NFIB: variants seen among roughly 807,000 people sequenced by gnomAD.
The protein encoded by NFIB is nuclear factor 1 B-type.
Under a neutral mutation model 61.5 loss-of-function variants are expected in NFIB, and 11 were observed. The observed-to-expected ratio is 0.18, with a 90% CI of 0.11 to 0.30. NFIB has a LOEUF of 0.30. Ranked by LOEUF, NFIB falls within the 10% of genes least tolerant of loss-of-function variation. NFIB has a pLI of 1.00. For missense variants in NFIB, 471 were observed against 608.9 expected, an observed-to-expected ratio of 0.77 and a Z score of 2.38; for synonymous variants, 260 against 216.5, an observed-to-expected ratio of 1.20 and a Z score of -1.76.
At chr9:14,480,653 T>A in the NFIB span, among the ~76,000 whole-genome samples, 1 of 152,122 alleles carries the variant, frequency 6.6e-6, no homozygotes, top group East Asian at 1.9e-4. Flanking sequence ...AATGTAGCCG[T>A]TGAAACAAGT....
At chr9:14,155,741 T>G in intron 4 of NFIB, 84 bp downstream of exon 4, 1 of 779,984 alleles carries the variant, frequency 1.3e-6, no homozygotes, top group Non-Finnish European at 2.0e-6. Flanking sequence ...ATGTGGTCAC[T>G]CTTTATACTA....
At position 14,297,730 on chromosome 9, in the gene NFIB, T is replaced by TC. The variant is rs2059527072; in HGVS notation, c.562+9258dup. ...ACATTTTAACTTAAACTTCCTTTTT[T>TC]CCTCTAATAATTTAAAAATAAAATG... On this transcript the variant is annotated intron_variant, in intron 2 of 10. Coordinates refer to ENST00000380953, the MANE Select transcript of NFIB (RefSeq NM_001190737.2). 3.9e-5 allele frequency among the ~76,000 whole-genome samples: 6 copies of TC among 152,330 alleles called. No homozygotes were observed. The South Asian group carries it at 1.0e-3, about 26-fold the overall frequency.
chr9:14,433,888 G>A, the NFIB span, among the ~76,000 whole-genome samples: 3 of 152,126 alleles, frequency 2.0e-5, no homozygotes, highest in Non-Finnish European at 4.4e-5. Flanking sequence ...TTGTTTAGAT[G>A]TAATACAGCT....
intron 6 of NFIB, among the ~76,000 whole-genome samples, chr9:14,146,328 C>A (rs532692646): frequency 6.6e-6 from 1 of 152,224 alleles, no homozygotes; most frequent in South Asian, 2.1e-4. Flanking sequence ...TAAAGTTTGG[C>A]TCCCTGCAAC....
chr9:14,137,707 T>C (rs1032779136), intron 6 of NFIB, among the ~76,000 whole-genome samples: 2 of 152,158 alleles, frequency 1.3e-5, no homozygotes, highest in African/African-American at 2.4e-5. Flanking sequence ...AGAAAACATA[T>C]GTATGATAAT....
chr9:14,155,077 C>T (rs957459159), intron 4 of NFIB, among the ~76,000 whole-genome samples: 3 of 152,214 alleles, frequency 2.0e-5, no homozygotes, highest in East Asian at 3.9e-4. Context: ...TTCAAAGTTA[C>T]ATAAATAAGC....
At chr9:14,486,126 C>A in the NFIB span, among the ~76,000 whole-genome samples, 2 of 152,256 alleles carry the variant, frequency 1.3e-5, no homozygotes, top group Non-Finnish European at 2.9e-5. Context: ...AGTAAAAGTT[C>A]TCTTGGTCAA....
chr9:14,398,847 G>C, exon 1 of NFIB: 1 of 465,020 alleles, frequency 2.2e-6, no homozygotes, highest in Non-Finnish European at 3.8e-6. Context: ...AAGGGGTCCT[G>C]TACACTCGAG....
intron 2 of NFIB, among the ~76,000 whole-genome samples, chr9:14,206,272 G>A (rs62532551): frequency 0.23 from 35,472 of 150,982 alleles, 4,262 homozygotes; most frequent in South Asian, 0.39. Flanking sequence ...GCCTCCCAAG[G>A]TTCAAACAAT....
the NFIB span, among the ~76,000 whole-genome samples, chr9:14,437,598 T>C: frequency 1.3e-5 from 2 of 152,222 alleles, no homozygotes; most frequent in Non-Finnish European, 2.9e-5. Flanking sequence ...TTCCTGGAGC[T>C]GCTCTTCTGA....
At chr9:14,200,851 A>T (rs1442749170) in intron 2 of NFIB, among the ~76,000 whole-genome samples, 1 of 152,134 alleles carries the variant, frequency 6.6e-6, no homozygotes, top group Non-Finnish European at 1.5e-5. Context: ...CTCCATATCT[A>T]GCCCTAACCT....
intron 2 of NFIB, among the ~76,000 whole-genome samples, chr9:14,254,969 AAAC>A (rs2056071242): frequency 6.6e-6 from 1 of 152,154 alleles, no homozygotes; most frequent in African/African-American, 2.4e-5. Context: ...CCAAATTTCA[AAAC>A]AAAATAACCT....
At position 14,173,780 on chromosome 9, in the gene NFIB, T is replaced by C. The variant is rs182397070; in HGVS notation, c.616+5947A>G. On this transcript the variant is annotated intron_variant, in intron 3 of 10. Transcript: ENST00000380953. Reference sequence around the variant, plus strand: ...ATAATTTGTTATCTGATAGAGTAGGTGACTGGGGAGACATGGAAAAATCTC... The same window carrying C: ...ATAATTTGTTATCTGATAGAGTAGGCGACTGGGGAGACATGGAAAAATCTC... Among the ~76,000 whole-genome samples the C allele has an allele frequency of 1.6e-4, 24 of 152,296 alleles. No individual in the cohort carries two copies. The East Asian group carries it at 4.4e-3, about 28-fold the overall frequency.
At chr9:14,293,885 C>T (rs1331775710) in intron 2 of NFIB, among the ~76,000 whole-genome samples, 1 of 152,094 alleles carries the variant, frequency 6.6e-6, no homozygotes, top group Non-Finnish European at 1.5e-5. Context: ...AAAAACAAAA[C>T]CTTACTAAAA....
intron 1 of NFIB, among the ~76,000 whole-genome samples, chr9:14,377,781 T>A (rs948255809): frequency 6.6e-6 from 1 of 152,216 alleles, no homozygotes; most frequent in Non-Finnish European, 1.5e-5. Context: ...GTTATAGATA[T>A]CCTTTGAAAC....
chr9:14,520,538 A>G, the NFIB span, among the ~76,000 whole-genome samples: 1 of 152,330 alleles, frequency 6.6e-6, no homozygotes, highest in East Asian at 1.9e-4. Context: ...ATTCTGCAAA[A>G]CAGTCACTCT....
intron 9 of NFIB, among the ~76,000 whole-genome samples, chr9:14,114,543 G>C (rs1414644433): frequency 1.3e-5 from 2 of 152,188 alleles, no homozygotes; most frequent in African/African-American, 2.4e-5. Flanking sequence ...TTTTATGTAG[G>C]AGTGGAAAAT....
At chr9:14,529,481 T>A in the NFIB span, among the ~76,000 whole-genome samples, 1 of 152,144 alleles carries the variant, frequency 6.6e-6, no homozygotes, top group African/African-American at 2.4e-5. Context: ...ATAAACGAGT[T>A]TGTAAGAACC....
intron 4 of NFIB, among the ~76,000 whole-genome samples, chr9:14,153,231 T>G (rs1008180130): frequency 4.6e-5 from 7 of 152,118 alleles, no homozygotes; most frequent in African/African-American, 1.7e-4. Context: ...TGTAAAAATT[T>G]AGTATGCATT....
Sources: allele counts gnomAD v4.1 joint callset (sites outside exome capture counted in the v4.1 genomes callset), GRCh38; gene constraint gnomAD v4.1.1; transcripts MANE v1.5; gene names NCBI Gene and HGNC (gene_info 2026-07-23, HGNC 2026-07-21).